Variants in PCDHGA6 observed in about 807,000 individuals in gnomAD.
The protein encoded by PCDHGA6 is protocadherin gamma-A6.
Under a neutral mutation model 60.6 loss-of-function variants are expected in PCDHGA6, and 41 were observed. That is an observed-to-expected ratio of 0.68 (90% CI 0.53 to 0.88). PCDHGA6 has a LOEUF of 0.88. Ranked by LOEUF, PCDHGA6 falls within the 40% of genes least tolerant of loss-of-function variation. The pLI is 0.00. For synonymous variants in PCDHGA6, 594 were observed against 524.4 expected, an observed-to-expected ratio of 1.13 and a Z score of -1.81; for missense variants, 1,312 against 1,203.0, an observed-to-expected ratio of 1.09 and a Z score of -1.34.
At chr5:141,417,460 A>G (rs1160577617) in intron 1 of PCDHGA6, 1 of 180,404 alleles carries the variant, frequency 5.5e-6, no homozygotes, top group Non-Finnish European at 1.1e-5. Flanking sequence ...GACCAAGTGG[A>G]AATATATTTC....
intron 1 of PCDHGA6, chr5:141,422,541 T>G: frequency 6.2e-7 from 1 of 1,613,992 alleles, no homozygotes; most frequent in Non-Finnish European, 8.5e-7. Context: ...CAGAAACTCA[T>G]GTCTGGCTGA....
At chr5:141,422,639 C>G (rs777330051) in intron 1 of PCDHGA6, 1 of 1,612,662 alleles carries the variant, frequency 6.2e-7, no homozygotes. Flanking sequence ...AGGGGTGCCT[C>G]CATCTTCTCA....
At chr5:141,435,516 C>T (rs2097767967) in intron 1 of PCDHGA6, among the ~76,000 whole-genome samples, 1 of 152,058 alleles carries the variant, frequency 6.6e-6, no homozygotes, top group Non-Finnish European at 1.5e-5. Context: ...CTAATGATGA[C>T]TTTGTGGAAT....
At chr5:141,504,959 T>C (rs1297800554) in intron 2 of PCDHGA6, among the ~76,000 whole-genome samples, 2 of 152,038 alleles carry the variant, frequency 1.3e-5, no homozygotes, top group Non-Finnish European at 2.9e-5. Flanking sequence ...GTTCAATGCA[T>C]TGGACCAGCC....
chr5:141,404,513 G>C, intron 1 of PCDHGA6: 2 of 1,613,786 alleles, frequency 1.2e-6, no homozygotes, highest in Non-Finnish European at 8.5e-7. Context: ...GTGCTCCTTT[G>C]ACTATGAGCA....
intron 1 of PCDHGA6, chr5:141,403,365 T>A: frequency 6.2e-7 from 1 of 1,614,024 alleles, no homozygotes; most frequent in Non-Finnish European, 8.5e-7. Context: ...GCCGAAAGTC[T>A]GGAAGTAAAA....
At position 141,491,735 on chromosome 5, in the gene PCDHGA6, G is replaced by C. The variant is rs765837152; in HGVS notation, c.2425-3072G>C. ...TCGGCGCCGCCCCGGGCGACCCCTG[G>C]GGGCGGCACTGGAGAAGCCGCCCGT... On this transcript the variant is annotated intron_variant, in intron 1 of 3. Coordinates refer to ENST00000517434, the MANE Select transcript of PCDHGA6 (RefSeq NM_018919.3). The surrounding 1 kb of genome is among the most constrained non-coding windows in gnomAD (Gnocchi z 6.9). 2.5e-6 allele frequency: 4 copies of C among 1,601,968 alleles called. No homozygotes were observed. In the South Asian group the frequency reaches 4.4e-5, roughly 18 times the overall value.
At chr5:141,449,022 A>G (rs2154562454) in intron 1 of PCDHGA6, among the ~76,000 whole-genome samples, 1 of 152,312 alleles carries the variant, frequency 6.6e-6, no homozygotes, top group Admixed American at 6.5e-5. Context: ...GTTGCTTAGC[A>G]TTCCTTTGGA....
intron 1 of PCDHGA6, chr5:141,394,043 G>C (rs1431547996): frequency 6.2e-7 from 1 of 1,613,576 alleles, no homozygotes; most frequent in South Asian, 1.1e-5. Context: ...GGAAATATTT[G>C]GACCGAGAAA....
chr5:141,376,291 C>G lies in PCDHGA6; in HGVS notation c.2208C>G (p.Pro736=), dbSNP rs780024608. The change falls in exon 1 of 4, where the codon CCC becomes CCG. Residue 736 remains proline, a synonymous_variant. Coordinates refer to ENST00000517434, the MANE Select transcript of PCDHGA6 (RefSeq NM_018919.3). ...QASGGGLASM[P]GSHFVGVEGV... is the part of the protein sequence containing the mutation. ...CGGGAGGTGGCTTAGCGAGCATGCC[C>G]GGCTCGCACTTTGTGGGCGTGGAAG... is the stretch of plus-strand genomic sequence containing the variant. 6.2e-6 allele frequency: 10 copies of G among 1,614,040 alleles called. No homozygotes were observed. The highest frequency in any genetic ancestry group is 1.1e-5 in the South Asian group (1 of 91,086).
At chr5:141,398,670 A>T in intron 1 of PCDHGA6, 1 of 1,613,830 alleles carries the variant, frequency 6.2e-7, no homozygotes, top group Non-Finnish European at 8.5e-7. Flanking sequence ...TCTCATTAAT[A>T]ATTAAGGAGA....
intron 1 of PCDHGA6, chr5:141,394,337 C>T (rs2092979975): frequency 7.4e-6 from 12 of 1,614,148 alleles, no homozygotes; most frequent in Non-Finnish European, 1.0e-5. Flanking sequence ...TCTCCATCAA[C>T]TCTGACACCG....
chr5:141,418,986 C>T, intron 1 of PCDHGA6: 1 of 1,613,930 alleles, frequency 6.2e-7, no homozygotes, highest in Non-Finnish European at 8.5e-7. Context: ...GACCAAGACT[C>T]AGGGGAAAAT....
rs1236074950 is a variant in PCDHGA6 at position 141,489,119 on chromosome 5, C to G, written c.2425-5688C>G. On this transcript the variant is annotated intron_variant, in intron 1 of 3. Transcript: ENST00000517434. This position sits in a 1 kb window ranked among gnomAD's most constrained non-coding sequence, Gnocchi z 4.5. ...GAACTGCTGCAAGCAGGCAAACCTC[C>G]GAGCAGTTTTTAAGAGGCTGGAAGG... The G allele has an allele frequency of 1.5e-6, 1 of 650,358 alleles. No individual in the cohort carries two copies. Among genetic ancestry groups the G allele is most frequent in the Non-Finnish European group, 2.5e-6 (1 of 400,690 alleles). The allele number at this position is 650,358 out of a possible 1,614,324, so 40.3% of individuals were successfully genotyped here. A position where few individuals can be genotyped will look rare whatever the true frequency, so the allele number is the denominator to read the frequency against.
At chr5:141,430,911 A>T (rs544678317) in intron 1 of PCDHGA6, 4 of 1,607,840 alleles carry the variant, frequency 2.5e-6, no homozygotes, top group Non-Finnish European at 3.4e-6. Context: ...ATCTCCAGGG[A>T]CCTGGGGCTG....
intron 1 of PCDHGA6, chr5:141,422,768 T>C: frequency 6.2e-7 from 1 of 1,613,824 alleles, no homozygotes. Context: ...AACACTGGTG[T>C]TCTCTATGCC....
chr5:141,433,122 G>C (rs1442464320), intron 1 of PCDHGA6: 1 of 1,614,134 alleles, frequency 6.2e-7, no homozygotes, highest in Admixed American at 1.7e-5. Flanking sequence ...TTTGAAAAAA[G>C]CGAGCCCCTT....
chr5:141,385,388 G>A (rs757763221), intron 1 of PCDHGA6: 1 of 1,507,708 alleles, frequency 6.6e-7, no homozygotes, highest in Non-Finnish European at 8.8e-7. Context: ...CTATTATTTT[G>A]CAAAACAAAT....
chr5:141,467,084 A>T, intron 1 of PCDHGA6, among the ~76,000 whole-genome samples: 1 of 142,674 alleles, frequency 7.0e-6, no homozygotes, highest in African/African-American at 2.6e-5. Context: ...ACCAAGTCTC[A>T]CTCTGTCACA....
Sources: gnomAD v4.1 joint callset for allele counts (sites outside exome capture counted in the v4.1 genomes callset) on GRCh38, gnomAD v4.1.1 for gene constraint, Gnocchi (gnomAD v3.1) non-coding constraint, MANE v1.5 for transcripts, NCBI Gene and HGNC (gene_info 2026-07-23, HGNC 2026-07-21) for gene names.